The following ZBTB16 variants were observed in gnomAD, a reference collection of about 807,000 sequenced individuals.
ZBTB16 encodes the protein zinc finger and BTB domain-containing protein 16.
In ZBTB16, 8 loss-of-function variants were observed where a neutral mutation model predicts 56.8. The ratio of observed to expected loss-of-function variants is 0.14; its 90% confidence interval spans 0.08 to 0.25. The LOEUF is 0.25. ZBTB16 is among the 10% of genes least tolerant of loss of function. The probability of loss-of-function intolerance (pLI) is 1.00; values close to 1 mark genes in which losing one functional copy is unlikely to be tolerated. For synonymous variants in ZBTB16, 363 were observed against 368.5 expected (o/e 0.98, Z 0.17); for missense variants, 625 against 903.0 (o/e 0.69, Z 3.95).
intron 4 of ZBTB16, chr11:114,209,910 A>G: frequency 4.1e-6 from 4 of 985,414 alleles, no homozygotes; most frequent in South Asian, 4.7e-5. Flanking sequence ...TATGTCTGCT[A>G]CAGTCTCAGG....
chr11:114,223,071 TC>T (rs1260522356), intron 4 of ZBTB16, among the ~76,000 whole-genome samples: 1 of 152,162 alleles, frequency 6.6e-6, no homozygotes, highest in Admixed American at 6.5e-5. Flanking sequence ...TGACTTCAGA[TC>T]CCAAACTGTA....
chr11:114,132,743 C>T (rs1458743181), intron 2 of ZBTB16, among the ~76,000 whole-genome samples: 1 of 152,156 alleles, frequency 6.6e-6, no homozygotes, highest in African/African-American at 2.4e-5. Context: ...GCCGGAGCCT[C>T]CCGGCAGGCA....
chr11:114,061,156 T>C (rs1938840318), intron 1 of ZBTB16, among the ~76,000 whole-genome samples: 2 of 149,734 alleles, frequency 1.3e-5, no homozygotes, highest in South Asian at 4.3e-4. Flanking sequence ...ACTGGGGGGG[T>C]GTGAGAGCGC....
chr11:114,102,418 G>A (rs2137756645), intron 2 of ZBTB16, among the ~76,000 whole-genome samples: 1 of 152,138 alleles, frequency 6.6e-6, no homozygotes, highest in East Asian at 1.9e-4. Context: ...TTTTTACTCT[G>A]GGGTTTTCAG....
rs1001146815 is a variant in ZBTB16, at chr11:114,059,718, A to G, written c.-255A>G. On this transcript the variant is annotated 5_prime_UTR_variant, in exon 1 of 7. Transcript: ENST00000335953. This position sits in a 1 kb window ranked among gnomAD's most constrained non-coding sequence, Gnocchi z 5.3. ...GTGATTTGCTAACCTCGCAGCAGAG[A>G]GGAGTTGAGGGCGATGAGAGCGGGT... 1.8e-5 allele frequency: 7 copies of G among 397,980 alleles called. No individual in the cohort carries two copies. The highest frequency in any genetic ancestry group is 2.7e-5 in the Non-Finnish European group (6 of 225,986). The allele number at this position is 397,980 out of a possible 1,614,324, so 24.7% of individuals were successfully genotyped here. A position where few individuals can be genotyped will look rare whatever the true frequency, so the allele number is the denominator to read the frequency against.
At chr11:114,105,228 GTCTC>G (rs202222391) in intron 2 of ZBTB16, among the ~76,000 whole-genome samples, 52 of 149,304 alleles carry the variant, frequency 3.5e-4, no homozygotes, top group African/African-American at 4.8e-4. Context: ...AATTAATTCT[GTCTC>G]TCTCTCTCTC....
chr11:114,171,767 T>G (rs756242304), intron 3 of ZBTB16, among the ~76,000 whole-genome samples: 2 of 152,270 alleles, frequency 1.3e-5, no homozygotes, highest in Non-Finnish European at 2.9e-5. Context: ...CAGAACTTTA[T>G]CTCAGTCTCT....
chr11:114,128,275 C>T (rs1022213137), intron 2 of ZBTB16, among the ~76,000 whole-genome samples: 1 of 152,176 alleles, frequency 6.6e-6, no homozygotes, highest in Admixed American at 6.5e-5. Context: ...CCCTGCATGA[C>T]CAGGATCCAT....
chr11:114,235,884 G>C (rs371525384), intron 4 of ZBTB16, among the ~76,000 whole-genome samples: 3 of 150,438 alleles, frequency 2.0e-5, no homozygotes, highest in African/African-American at 7.4e-5. Context: ...TGTTGCCACT[G>C]GGGGGTCTGG....
intron 2 of ZBTB16, among the ~76,000 whole-genome samples, chr11:114,084,580 G>C (rs1939894777): frequency 1.3e-5 from 2 of 152,104 alleles, no homozygotes; most frequent in South Asian, 2.1e-4. Flanking sequence ...TAGCAGGTGA[G>C]CGGGTGGGGG....
At chr11:114,134,281 C>A (rs1941742400) in intron 2 of ZBTB16, among the ~76,000 whole-genome samples, 1 of 152,046 alleles carries the variant, frequency 6.6e-6, no homozygotes, top group Non-Finnish European at 1.5e-5. Flanking sequence ...GGTTTGATCT[C>A]CCAACTCTGG....
At chr11:114,233,121 ACACACTCTCT>A (rs377110277) in intron 4 of ZBTB16, among the ~76,000 whole-genome samples, 9,750 of 58,206 alleles carry the variant, frequency 0.17, 502 homozygotes, top group East Asian at 0.31. Context: ...ACACACACAC[ACACACTCTCT>A]CTCTCTCACA....
At chr11:114,131,282 C>G (rs924157839) in intron 2 of ZBTB16, among the ~76,000 whole-genome samples, 1 of 152,208 alleles carries the variant, frequency 6.6e-6, no homozygotes, top group Non-Finnish European at 1.5e-5. Flanking sequence ...TCTCCTTCTC[C>G]TGCTCCCCCA....
intron 1 of ZBTB16, among the ~76,000 whole-genome samples, chr11:114,062,547 G>C (rs1461840401): frequency 1.3e-5 from 2 of 152,218 alleles, no homozygotes; most frequent in Non-Finnish European, 2.9e-5. Context: ...TTAGTACCTA[G>C]GGATGGGGAC....
intron 2 of ZBTB16, among the ~76,000 whole-genome samples, chr11:114,130,426 G>T (rs2852799): frequency 6.6e-6 from 1 of 152,092 alleles, no homozygotes; most frequent in African/African-American, 2.4e-5. Flanking sequence ...CGTGGCACTT[G>T]TGAATCTAGG....
chr11:114,255,591 T>G lies in ZBTB16; in HGVS notation c.*5036T>G, dbSNP rs1201333789. On this transcript the variant is annotated 3_prime_UTR_variant, in exon 7 of 7. Coordinates refer to ENST00000335953, the MANE Select transcript of ZBTB16 (RefSeq NM_006006.6). ...TTCCCCGAGTTGTGCTTGCCGCTCC[T>G]TATCTGTTCTAGTTCCGAAGCAGTT... Among the ~76,000 whole-genome samples, 2 of 151,906 alleles carry G rather than the reference T, an allele frequency of 1.3e-5. No individual in the cohort carries two copies. Among genetic ancestry groups the G allele is most frequent in the African/African-American group, 4.8e-5 (2 of 41,352 alleles).
At chr11:114,132,904 A>C (rs1414930290) in intron 2 of ZBTB16, among the ~76,000 whole-genome samples, 1 of 152,054 alleles carries the variant, frequency 6.6e-6, no homozygotes, top group Non-Finnish European at 1.5e-5. Context: ...TCTGAGATAG[A>C]AGTGTATTTA....
intron 3 of ZBTB16, among the ~76,000 whole-genome samples, chr11:114,164,594 T>C (rs1178538873): frequency 6.6e-6 from 1 of 152,234 alleles, no homozygotes; most frequent in East Asian, 1.9e-4. Flanking sequence ...ATGCCATTTC[T>C]GATTTCCAGG....
At chr11:114,235,634 C>CTT (rs1565701489) in intron 4 of ZBTB16, among the ~76,000 whole-genome samples, 10 of 20,534 alleles carry the variant, frequency 4.9e-4, no homozygotes, top group African/African-American at 1.0e-3. Flanking sequence ...CCCTTCCTTT[C>CTT]TTTCTTTCTT....
Sources: gnomAD v4.1 joint callset for allele counts (sites outside exome capture counted in the v4.1 genomes callset) on GRCh38, gnomAD v4.1.1 for gene constraint, Gnocchi (gnomAD v3.1) non-coding constraint, MANE v1.5 for transcripts, NCBI Gene and HGNC (gene_info 2026-07-23, HGNC 2026-07-21) for gene names.